The following KIF7 variants were observed in gnomAD, a reference collection of about 807,000 sequenced individuals.
KIF7 encodes the protein kinesin family member 7.
In KIF7, 104 loss-of-function variants were observed where a neutral mutation model predicts 135.7. The observed-to-expected ratio is 0.77, with a 90% confidence interval of 0.65 to 0.90. The LOEUF (loss-of-function observed/expected upper bound fraction) is 0.90, where lower values mean the gene tolerates loss of function less well. KIF7 is among the 40% of genes least tolerant of loss of function. KIF7 has a pLI of 0.00. For missense variants in KIF7, 2,005 were observed against 1,839.1 expected, an observed-to-expected ratio of 1.09 and a Z score of -1.65; for synonymous variants, 883 against 809.4, an observed-to-expected ratio of 1.09 and a Z score of -1.54.
Position 89,629,074 on chromosome 15 carries a change from C to T in KIF7, c.3566G>A (p.Arg1189Gln), listed in dbSNP as rs759709247. 48 of 1,613,072 alleles carry T rather than the reference C, an allele frequency of 3.0e-5. No individual in the cohort carries two copies. Among genetic ancestry groups the T allele is most frequent in the Non-Finnish European group, 3.2e-5 (38 of 1,179,896 alleles). The stretch of plus-strand genomic sequence containing the variant: ...CAGTTCCTTCTCCAGAGCTTGAATC[C>T]GGGCCTCATACTGCCTCCTGCTGTC... ...LADSRRQYEA[R>Q]IQALEKELGR... Residue 1189 changes from arginine (R) to glutamine (Q), a missense_variant, in exon 18 of 19, where the codon CGG becomes CAG. By Grantham distance (43) the Arg-to-Gln change is conservative. Coordinates refer to ENST00000394412, the MANE Select transcript of KIF7 (RefSeq NM_198525.3).
rs146300227 is a variant in KIF7, at chr15:89,628,558, G to A, written c.3893C>T (p.Ala1298Val). The change falls in exon 19 of 19, where the codon GCG (alanine) becomes GTG (valine). Residue 1298 changes from alanine (A) to valine (V), a missense_variant. Physicochemically the swap from Ala to Val is moderately conservative, Grantham distance 64. Transcript: ENST00000394412. ...GSPEELRQRE[A>V]AEPLVGRVLP... Reference sequence around the variant, plus strand: ...CACCCGCCCCACCAGGGGCTCAGCCGCCTCCCGCTGCCTCAGTTCCTCGGG... The same window carrying A: ...CACCCGCCCCACCAGGGGCTCAGCCACCTCCCGCTGCCTCAGTTCCTCGGG... 6.0e-5 allele frequency: 97 copies of A among 1,613,332 alleles called. No individual in the cohort carries two copies. Among genetic ancestry groups the A allele is most frequent in the Non-Finnish European group, 6.5e-5 (77 of 1,179,954 alleles).
rs571373108 is a variant in KIF7, at chr15:89,645,120, G to A, written c.2084C>T (p.Pro695Leu). 2.1e-5 allele frequency: 34 copies of A among 1,605,326 alleles called. No individual in the cohort carries two copies. The African/African-American group carries it at 3.7e-4, about 18-fold the overall frequency. ...KARVQARQVPPATASEWRLAQ... is the reference protein window; with the variant it reads ...KARVQARQVPLATASEWRLAQ... ...CAGCCGCCACTCTGAGGCTGTGGCAGGGGGGACCTGGCGGGCCTGAACTCG... is the reference window on the plus strand; with the variant it reads ...CAGCCGCCACTCTGAGGCTGTGGCAAGGGGGACCTGGCGGGCCTGAACTCG... The change falls in exon 10 of 19, where the codon CCT (proline) becomes CTT (leucine). Residue 695 changes from proline to leucine, a missense_variant. Transcript: ENST00000394412.
At chr15:89,653,950 C>T (rs1286470553) in intron 1 of KIF7, among the ~76,000 whole-genome samples, 1 of 151,962 alleles carries the variant, frequency 6.6e-6, no homozygotes, top group African/African-American at 2.4e-5. Flanking sequence ...CCCCAACTCC[C>T]CCAAAAAAAG....
upstream of KIF7, among the ~76,000 whole-genome samples, chr15:89,655,851 AC>A (rs745319355): frequency 2.3e-4 from 35 of 152,086 alleles, no homozygotes; most frequent in Non-Finnish European, 4.7e-4. Context: ...TCTTTTTCTC[AC>A]ATTTTAGCAT....
downstream of KIF7, chr15:89,625,628 G>T (rs1157376609): frequency 1.2e-6 from 2 of 1,613,410 alleles, no homozygotes; most frequent in South Asian, 2.2e-5. Context: ...TTGAGTTCCA[G>T]GAAGAGAGTC....
At chr15:89,643,951 A>G (rs944400302) in intron 10 of KIF7, among the ~76,000 whole-genome samples, 1 of 141,698 alleles carries the variant, frequency 7.1e-6, no homozygotes, top group South Asian at 2.2e-4. Context: ...ACAGTTAAGT[A>G]AAAAAAAAAA....
Position 89,642,186 on chromosome 15 carries a change from G to A in KIF7, c.2394+17C>T, listed in dbSNP as rs981100855. 8 of 1,608,050 alleles carry A rather than the reference G, an allele frequency of 5.0e-6. No individual in the cohort carries two copies. The African/African-American group carries it at 5.3e-5, about 11-fold the overall frequency. Reference sequence around the variant, plus strand: ...AGGAGTCACCCCAGCACCCCACCCTGAGGCCCCGAGACTAACCTGCACCTG... The same window carrying A: ...AGGAGTCACCCCAGCACCCCACCCTAAGGCCCCGAGACTAACCTGCACCTG... On this transcript the variant is annotated intron_variant, in intron 11 of 18. Transcript: ENST00000394412.
In KIF7 at chr15:89,654,887, C is replaced by A. The variant is rs1964183698; in HGVS notation, c.-25+512G>T. Among the ~76,000 whole-genome samples the A allele has an allele frequency of 2.0e-5, 3 of 152,242 alleles. No homozygotes were observed. In the South Asian group the frequency reaches 6.2e-4, roughly 32 times the overall value. On this transcript the variant is annotated intron_variant, in intron 1 of 18. Transcript: ENST00000394412. ...TGGGCTCCCGACCCTGGGCACACAG[C>A]GGTAAACTCTGCCTCGCAATACCGT...
intron 16 of KIF7, 26 bp from the exon 17 acceptor site, chr15:89,629,599 G>C (rs1442364928): frequency 6.2e-7 from 1 of 1,601,860 alleles, no homozygotes; most frequent in Non-Finnish European, 8.5e-7. Flanking sequence ...GCCAGGCTCA[G>C]CCCTCATCAT....
chr15:89,628,654 C>A lies in KIF7; in HGVS notation c.3797G>T (p.Arg1266Leu). The A allele has an allele frequency of 6.2e-7, 1 of 1,613,182 alleles. No individual in the cohort carries two copies. Among genetic ancestry groups the A allele is most frequent in the Non-Finnish European group, 8.5e-7 (1 of 1,179,950 alleles). The change falls in exon 19 of 19, where the codon CGG (arginine) becomes CTG (leucine). Residue 1266 changes from arginine (R) to leucine (L), a missense_variant. Transcript: ENST00000394412. ...GGGTAACGGAGCGTGGACCAAGTCC[C>A]GCGTCTCCTCCCGGGTGCGGGGGGC... is the stretch of plus-strand genomic sequence containing the variant. ...EGAPRTREETRDLVHAPLPLT... is the reference protein window; with the variant it reads ...EGAPRTREETLDLVHAPLPLT...
intron 2 of KIF7, among the ~76,000 whole-genome samples, chr15:89,651,101 TTTTG>T (rs534918401): frequency 6.6e-6 from 1 of 151,940 alleles, no homozygotes. Flanking sequence ...TTGGCCAGTT[TTTTG>T]TTTGTTTGTT....
intron 2 of KIF7, 95 bp from the exon 3 acceptor site, chr15:89,650,036 G>C (rs1964100054): frequency 1.6e-6 from 2 of 1,282,048 alleles, no homozygotes; most frequent in East Asian, 5.0e-5. Flanking sequence ...AGAGCTGGAG[G>C]ATGGTGCTCT....
rs760300596 is a variant in KIF7, at chr15:89,621,591, G to C, written c.181-3396C>G. On this transcript the variant is annotated intron_variant and NMD_transcript_variant, in intron 1 of 2. Transcript: ENST00000558928. ...AATGTTTGAAATAATATAATCTCCTGGAACACAGAGACATGGCCAAGGAAC... is the reference window on the plus strand; with the variant it reads ...AATGTTTGAAATAATATAATCTCCTCGAACACAGAGACATGGCCAAGGAAC... The C allele has an allele frequency of 5.9e-6, 9 of 1,536,956 alleles. No individual in the cohort carries two copies. In the South Asian group the frequency reaches 1.1e-4, roughly 19 times the overall value.
intron 15 of KIF7, chr15:89,630,790 C>G (rs987004024): frequency 4.0e-6 from 2 of 496,972 alleles, no homozygotes; most frequent in African/African-American, 1.9e-5. Flanking sequence ...GGGACAGCCA[C>G]GGAGGCACCA....
chr15:89,643,551 G>C (rs1963959100), intron 10 of KIF7, among the ~76,000 whole-genome samples: 1 of 152,218 alleles, frequency 6.6e-6, no homozygotes, highest in Admixed American at 6.5e-5. Context: ...GCTATAAACA[G>C]ACACTGCTGA....
intron 15 of KIF7, chr15:89,630,825 C>T (rs1963658038): frequency 2.3e-6 from 1 of 444,204 alleles, no homozygotes; most frequent in Admixed American, 3.5e-5. Flanking sequence ...TAAGCTTCTA[C>T]AGATGGGGAT....
At chr15:89,624,745 A>C, downstream of KIF7, 1 of 1,614,180 alleles carries the variant, frequency 6.2e-7, no homozygotes, top group Non-Finnish European at 8.5e-7. Flanking sequence ...TGGTGACTTG[A>C]AAAGTAACGT....
chr15:89,622,349 T>G lies in KIF7; in HGVS notation c.181-4154A>C, dbSNP rs1308963369. Among the ~76,000 whole-genome samples, 6 of 152,210 alleles carry G rather than the reference T, an allele frequency of 3.9e-5. No individual in the cohort carries two copies. The East Asian group carries it at 1.2e-3, about 29-fold the overall frequency. ...ACTGCAATTCCTACCCTAGTTCAGG[T>G]CTACCTGGAACACTTCAACAGGCTT... On this transcript the variant is annotated intron_variant and NMD_transcript_variant, in intron 1 of 2. Coordinates refer to the KIF7 transcript ENST00000558928.
downstream of KIF7, chr15:89,627,201 A>G: frequency 7.6e-7 from 1 of 1,308,796 alleles, no homozygotes; most frequent in Non-Finnish European, 1.1e-6. Flanking sequence ...TCAGATTGCC[A>G]TTAGAATGCC....
Sources: gnomAD v4.1 joint callset for allele counts (sites outside exome capture counted in the v4.1 genomes callset) on GRCh38, gnomAD v4.1.1 for gene constraint, MANE v1.5 for transcripts, NCBI Gene and HGNC (gene_info 2026-07-23, HGNC 2026-07-21) for gene names.